ATRNL1: variants seen among roughly 807,000 people sequenced by gnomAD.
The protein encoded by ATRNL1 is attractin like 1.
ATRNL1 carries 95 observed loss-of-function variants against 182.7 expected under a neutral mutation model. That is an observed-to-expected ratio of 0.52 (90% CI 0.44 to 0.62). The LOEUF (loss-of-function observed/expected upper bound fraction) is 0.62. Ranked by LOEUF, ATRNL1 falls within the 20% of genes least tolerant of loss-of-function variation. The pLI, the probability that ATRNL1 is intolerant of heterozygous loss-of-function variation, is 0.00. For missense variants in ATRNL1, 1,471 were observed against 1,679.5 expected (o/e 0.88, Z 2.17); for synonymous variants, 576 against 568.3 (o/e 1.01, Z -0.19).
chr10:115,413,202 G>A (rs559242837), intron 20 of ATRNL1, among the ~76,000 whole-genome samples: 2 of 152,200 alleles, frequency 1.3e-5, no homozygotes, highest in East Asian at 1.9e-4. Context: ...CCTTTGTAAT[G>A]AGATATTTTC....
chr10:115,873,651 C>T (rs970359763), intron 28 of ATRNL1, among the ~76,000 whole-genome samples: 4 of 152,116 alleles, frequency 2.6e-5, no homozygotes, highest in Admixed American at 6.6e-5. Flanking sequence ...GAAGACACCT[C>T]GTTTCTCCAA....
intron 26 of ATRNL1, among the ~76,000 whole-genome samples, chr10:115,553,572 C>T (rs538483868): frequency 6.6e-6 from 1 of 151,166 alleles, no homozygotes; most frequent in South Asian, 2.1e-4. Context: ...TTCATAATAC[C>T]CTATCTCCCT....
chr10:115,827,394 T>C (rs1555092323), intron 27 of ATRNL1, among the ~76,000 whole-genome samples: 2 of 152,198 alleles, frequency 1.3e-5, no homozygotes, highest in Admixed American at 6.5e-5. Flanking sequence ...GTGCCTATGA[T>C]TGATGTGTTA....
At chr10:115,499,277 A>G (rs569378752) in intron 24 of ATRNL1, among the ~76,000 whole-genome samples, 18 of 152,338 alleles carry the variant, frequency 1.2e-4, no homozygotes, top group African/African-American at 4.1e-4. Context: ...ATTGGGCTCA[A>G]TTTTAATGTA....
chr10:115,621,254 A>AATATATGTAT, intron 26 of ATRNL1, among the ~76,000 whole-genome samples: 1 of 71,308 alleles, frequency 1.4e-5, no homozygotes, highest in African/African-American at 7.1e-5. Context: ...TTGAGCTCTG[A>AATATATGTAT]ATATATATAT....
chr10:115,402,132 A>C (rs1844594479), intron 20 of ATRNL1, among the ~76,000 whole-genome samples: 1 of 152,152 alleles, frequency 6.6e-6, no homozygotes, highest in Admixed American at 6.6e-5. Flanking sequence ...GTATATTTTC[A>C]ATTTACATGA....
chr10:115,363,880 C>T (rs1401494058), intron 19 of ATRNL1, among the ~76,000 whole-genome samples: 2 of 149,116 alleles, frequency 1.3e-5, no homozygotes, highest in African/African-American at 4.9e-5. Context: ...TGATCTATAT[C>T]TCTGTTTTGG....
chr10:115,557,608 A>G (rs1853388172), intron 26 of ATRNL1, among the ~76,000 whole-genome samples: 2 of 152,184 alleles, frequency 1.3e-5, no homozygotes, highest in Admixed American at 6.5e-5. Flanking sequence ...AACAACAGCA[A>G]TTTTAGTGGA....
chr10:115,686,534 G>A (rs1946223974), intron 26 of ATRNL1, among the ~76,000 whole-genome samples: 1 of 151,974 alleles, frequency 6.6e-6, no homozygotes, highest in Non-Finnish European at 1.5e-5. Context: ...TAAAAGCTAA[G>A]TGGCAGATAC....
At chr10:115,255,309 G>T (rs1326846892) in intron 10 of ATRNL1, among the ~76,000 whole-genome samples, 1 of 151,876 alleles carries the variant, frequency 6.6e-6, no homozygotes, top group African/African-American at 2.4e-5. Context: ...CTTTTATTTC[G>T]TTGAGCTGTG....
At chr10:115,846,713 G>A (rs903366230) in intron 27 of ATRNL1, among the ~76,000 whole-genome samples, 12 of 152,006 alleles carry the variant, frequency 7.9e-5, no homozygotes, top group Non-Finnish European at 1.5e-4. Context: ...TTGTGTACAC[G>A]TGTGTACTTG....
intron 19 of ATRNL1, among the ~76,000 whole-genome samples, chr10:115,361,838 A>C (rs1554944295): frequency 6.6e-6 from 1 of 152,114 alleles, no homozygotes; most frequent in Non-Finnish European, 1.5e-5. Flanking sequence ...ATTTTCTGGA[A>C]GATTCCAGTT....
At chr10:115,236,790 T>G (rs1554901528) in intron 9 of ATRNL1, among the ~76,000 whole-genome samples, 1 of 152,190 alleles carries the variant, frequency 6.6e-6, no homozygotes, top group African/African-American at 2.4e-5. Context: ...AGGTTCACTT[T>G]TGTGCTGTAT....
At chr10:115,780,723 TG>T (rs1462680962) in intron 27 of ATRNL1, among the ~76,000 whole-genome samples, 1 of 152,212 alleles carries the variant, frequency 6.6e-6, no homozygotes, top group East Asian at 1.9e-4. Context: ...GGGAATCTGC[TG>T]GCCTTGAAAG....
At chr10:115,465,479 C>T (rs1195296875) in intron 22 of ATRNL1, among the ~76,000 whole-genome samples, 2 of 151,642 alleles carry the variant, frequency 1.3e-5, no homozygotes, top group South Asian at 2.1e-4. Flanking sequence ...GAATTTATGC[C>T]CACTCTGTGT....
chr10:115,901,061 A>G (rs1178161211), intron 28 of ATRNL1, among the ~76,000 whole-genome samples: 1 of 152,282 alleles, frequency 6.6e-6, no homozygotes, highest in Non-Finnish European at 1.5e-5. Context: ...AGTGTGAAAT[A>G]GTGGCACAGA....
chr10:115,638,478 T>TA (rs1555029088), intron 26 of ATRNL1, among the ~76,000 whole-genome samples: 1 of 152,186 alleles, frequency 6.6e-6, no homozygotes, highest in Non-Finnish European at 1.5e-5. Flanking sequence ...AAAGGCCACT[T>TA]ATTGTACAGA....
intron 26 of ATRNL1, among the ~76,000 whole-genome samples, chr10:115,630,906 C>T (rs1479503852): frequency 6.8e-6 from 1 of 146,428 alleles, no homozygotes; most frequent in Admixed American, 6.9e-5. Flanking sequence ...AAAAGGAGAT[C>T]CTGTCTTTTG....
At chr10:115,429,574 T>C (rs1554963548) in intron 21 of ATRNL1, among the ~76,000 whole-genome samples, 1 of 152,200 alleles carries the variant, frequency 6.6e-6, no homozygotes. Flanking sequence ...AAATACTAAG[T>C]TAAATTAATA....
Sources: gnomAD v4.1 joint callset for allele counts (sites outside exome capture counted in the v4.1 genomes callset) on GRCh38, gnomAD v4.1.1 for gene constraint, MANE v1.5 for transcripts, NCBI Gene and HGNC (gene_info 2026-07-23, HGNC 2026-07-21) for gene names.